The following SHMT1 variants were observed in gnomAD, a reference collection of about 807,000 sequenced individuals.
SHMT1 encodes serine hydroxymethyltransferase, cytosolic.
Under a neutral mutation model 49.0 loss-of-function variants are expected in SHMT1, and 45 were observed. That is an observed-to-expected ratio of 0.92 (90% confidence interval 0.72 to 1.18). SHMT1 has a LOEUF of 1.18. SHMT1 is among the 50% of genes most tolerant of loss of function. SHMT1 has a pLI of 0.00. For synonymous variants in SHMT1, 232 were observed against 246.6 expected (o/e 0.94, Z 0.55); for missense variants, 541 against 612.4 (o/e 0.88, Z 1.23).
intron 8 of SHMT1, among the ~76,000 whole-genome samples, chr17:18,334,528 C>T (rs1321451861): frequency 1.3e-5 from 2 of 152,226 alleles, no homozygotes; most frequent in Non-Finnish European, 2.9e-5. Context: ...AAAACGATTA[C>T]TTAGCAGGCC....
chr17:18,344,453 G>A (rs1039187709), intron 5 of SHMT1, among the ~76,000 whole-genome samples: 7 of 151,438 alleles, frequency 4.6e-5, no homozygotes, highest in Non-Finnish European at 8.8e-5. Flanking sequence ...GATAGCTTGA[G>A]TCCAGGAGTT....
At chr17:18,351,963 G>C (rs1479894063) in intron 3 of SHMT1, among the ~76,000 whole-genome samples, 1 of 152,056 alleles carries the variant, frequency 6.6e-6, no homozygotes, top group East Asian at 1.9e-4. Context: ...CTCCACCTCA[G>C]TTTCTTGAGT....
intron 5 of SHMT1, among the ~76,000 whole-genome samples, chr17:18,343,608 C>CAAAA (rs761435848): frequency 3.7e-4 from 17 of 46,052 alleles, no homozygotes; most frequent in African/African-American, 1.6e-3. Context: ...AACTTTGTCT[C>CAAAA]AAAAAAAAAA....
chr17:18,353,808 T>A lies in SHMT1; in HGVS notation c.106A>T (p.Ile36Phe). 8.1e-6 allele frequency: 13 copies of A among 1,614,162 alleles called. No individual in the cohort carries two copies. The highest frequency in any genetic ancestry group is 1.1e-5 in the Non-Finnish European group (13 of 1,180,006). The change falls in exon 3 of 12, where the codon ATC becomes TTC. Residue 36 changes from isoleucine (I) to phenylalanine (F), a missense_variant. By Grantham distance (21) the Ile-to-Phe change is conservative. Coordinates refer to ENST00000316694, the MANE Select transcript of SHMT1 (RefSeq NM_004169.5). ...TGCCGGTTACTCTCCTTCTTAATGA[T>A]GTTGTAAACCTTATGAGAAGAAAAC... is the stretch of plus-strand genomic sequence containing the variant. Reference protein sequence around the residue: ...LKDSDVEVYNIIKKESNRQRV... With the variant: ...LKDSDVEVYNFIKKESNRQRV...
intron 5 of SHMT1, among the ~76,000 whole-genome samples, chr17:18,344,071 A>G (rs555817056): frequency 1.3e-5 from 2 of 152,214 alleles, no homozygotes; most frequent in East Asian, 1.9e-4. Flanking sequence ...CCCTGACCCA[A>G]CCTTCCTTCC....
chr17:18,333,383 G>A, intron 8 of SHMT1, 95 bp from the exon 9 acceptor site: 2 of 1,230,622 alleles, frequency 1.6e-6, no homozygotes, highest in South Asian at 2.6e-5. Context: ...AAGCTTCCTT[G>A]CTTTTCAATG....
intron 3 of SHMT1, chr17:18,353,416 C>G (rs984839494): frequency 1.2e-5 from 6 of 502,624 alleles, no homozygotes; most frequent in Non-Finnish European, 2.2e-5. Context: ...GCTCAATACT[C>G]CTTACAAACT....
At position 18,347,704 on chromosome 17, in the gene SHMT1, C is replaced by T. The variant is rs375568405; in HGVS notation, c.359-48G>A. On this transcript the variant is annotated intron_variant, in intron 4 of 11. Transcript: ENST00000316694. Reference sequence around the variant, plus strand: ...GACATGATTATTTCTAACTGAGGTACCAAGTGGCATCCGGGACCTTGGCCA... The same window carrying T: ...GACATGATTATTTCTAACTGAGGTATCAAGTGGCATCCGGGACCTTGGCCA... 92 of 1,610,618 alleles carry T rather than the reference C, an allele frequency of 5.7e-5. No individual in the cohort carries two copies. The African/African-American group carries it at 1.1e-3, about 19-fold the overall frequency.
chr17:18,340,344 G>C lies in SHMT1; in HGVS notation c.602-89C>G. 4 of 1,329,750 alleles carry C rather than the reference G, an allele frequency of 3.0e-6. No individual in the cohort carries two copies. The South Asian group carries it at 4.8e-5, about 16-fold the overall frequency. 82.4% of individuals were successfully genotyped at this position (1,329,750 alleles called of 1,614,324 possible). On this transcript the variant is annotated intron_variant, in intron 6 of 11. Transcript: ENST00000316694. The surrounding 1 kb of genome is among the most constrained non-coding windows in gnomAD (Gnocchi z 4.5). ...CAGTGGCCTCTAGATGTGCAGATCT[G>C]AAAGCCCAGAGATTTCTTCCCTTAA...
At chr17:18,350,187 C>T (rs1436303825) in intron 3 of SHMT1, among the ~76,000 whole-genome samples, 5 of 151,878 alleles carry the variant, frequency 3.3e-5, no homozygotes, top group Non-Finnish European at 5.9e-5. Flanking sequence ...AAAAATTAGC[C>T]GGGTGTGGTG....
In SHMT1 at chr17:18,340,851, T is replaced by C; in HGVS notation, c.520-38A>G. 1 of 1,482,166 alleles carries C rather than the reference T, an allele frequency of 6.7e-7. No individual in the cohort carries two copies. The highest frequency in any genetic ancestry group is 9.3e-7 in the Non-Finnish European group (1 of 1,069,860). 91.8% of individuals were successfully genotyped at this position (1,482,166 alleles called of 1,614,324 possible). On this transcript the variant is annotated intron_variant, in intron 5 of 11. Coordinates refer to ENST00000316694, the MANE Select transcript of SHMT1 (RefSeq NM_004169.5). This position sits in a 1 kb window ranked among gnomAD's most constrained non-coding sequence, Gnocchi z 4.5. ...AGGGAGGCAGGTTCAGGCTGCTTCC[T>C]CCAACCACACCTGCCTCCTGTCCTC...
chr17:18,338,422 G>GCCGT (rs1420490866), intron 7 of SHMT1, among the ~76,000 whole-genome samples: 1 of 149,794 alleles, frequency 6.7e-6, no homozygotes, highest in Admixed American at 6.7e-5. Context: ...CCCCCGCCTG[G>GCCGT]CCGTCACCCC....
chr17:18,355,820 T>G, intron 2 of SHMT1, 66 bp downstream of exon 2: 1 of 981,932 alleles, frequency 1.0e-6, no homozygotes, highest in Admixed American at 1.7e-5. Flanking sequence ...TAATTTGTAA[T>G]TAGAACTAAA....
chr17:18,328,642 A>G lies in SHMT1; in HGVS notation c.*108T>C. On this transcript the variant is annotated 3_prime_UTR_variant, in exon 12 of 12. Transcript: ENST00000316694. ...AAAAGAAACCCCCTCAAAGGGCCCG[A>G]GTGTCAACAGTTCCCCTTTGGAGCA... 1 of 1,231,346 alleles carries G rather than the reference A, an allele frequency of 8.1e-7. No homozygotes were observed. Among genetic ancestry groups the G allele is most frequent in the Non-Finnish European group, 1.1e-6 (1 of 870,966 alleles). The allele number at this position is 1,231,346 out of a possible 1,614,324, so 76.3% of individuals were successfully genotyped here. A position where few individuals can be genotyped will look rare whatever the true frequency, so the allele number is the denominator to read the frequency against.
rs139687918 is a variant in SHMT1, at chr17:18,347,584, G to C, written c.431C>G (p.Pro144Arg). 19 of 1,614,140 alleles carry C rather than the reference G, an allele frequency of 1.2e-5. No individual in the cohort carries two copies. The highest frequency in any genetic ancestry group is 1.6e-5 in the Non-Finnish European group (19 of 1,180,024). ...PHGRIMGLDLPDGGHLTHGFM... is the reference protein window; with the variant it reads ...PHGRIMGLDLRDGGHLTHGFM... ...CCCATGGGTCAGGTGGCCCCCATCC[G>C]GAAGGTCCAGGCCCATGATGCGCCC... is the stretch of plus-strand genomic sequence containing the variant. Residue 144 changes from proline to arginine, a missense_variant, in exon 5 of 12, where the codon CCG becomes CGG. Physicochemically the swap from Pro to Arg is moderately radical, Grantham distance 103. Transcript: ENST00000316694.
rs774151028 is a variant in SHMT1 at position 18,328,826 on chromosome 17, G to A, written c.1376C>T (p.Ala459Val). The change falls in exon 12 of 12, where the codon GCG becomes GTG. Residue 459 changes from alanine to valine, a missense_variant. Physicochemically the swap from Ala to Val is moderately conservative, Grantham distance 64 (BLOSUM62 0). Transcript: ENST00000316694. The stretch of plus-strand genomic sequence containing the variant: ...CTCCTCCCGGAGAGCCTGCACGGCC[G>A]CCTGGTACTTATCCCCTGCCAGTCT... Reference protein sequence around the residue: ...KERLAGDKYQAAVQALREEVE... With the variant: ...KERLAGDKYQVAVQALREEVE... The A allele has an allele frequency of 9.3e-6, 15 of 1,613,192 alleles. No homozygotes were observed. The highest frequency in any genetic ancestry group is 5.3e-5 in the African/African-American group (4 of 74,900).
intron 5 of SHMT1, among the ~76,000 whole-genome samples, chr17:18,343,626 AAAAAAG>A (rs1680344678): frequency 1.4e-5 from 2 of 147,374 alleles, no homozygotes; most frequent in African/African-American, 5.1e-5. Context: ...AAAAAAAAAA[AAAAAAG>A]GGGTCAGCCG....
At chr17:18,353,890 C>G (rs1242479277) in intron 2 of SHMT1, 73 bp from the exon 3 acceptor site, 1 of 1,314,600 alleles carries the variant, frequency 7.6e-7, no homozygotes. Flanking sequence ...CAAATTACAA[C>G]CTCCTAAAGA....
intron 1 of SHMT1, among the ~76,000 whole-genome samples, chr17:18,359,861 G>C (rs140468298): frequency 0.01 from 1,581 of 152,016 alleles, 29 homozygotes; most frequent in African/African-American, 0.037. Context: ...CAGAAGAATG[G>C]CTTGAACCCA....
Sources: allele counts gnomAD v4.1 joint callset (sites outside exome capture counted in the v4.1 genomes callset), GRCh38; gene constraint gnomAD v4.1.1; non-coding constraint Gnocchi (gnomAD v3.1); transcripts MANE v1.5; gene names NCBI Gene and HGNC (gene_info 2026-07-23, HGNC 2026-07-21).